ZNF783: variants seen among roughly 807,000 people sequenced by gnomAD.
ZNF783 encodes zinc finger protein 783.
ZNF783 carries 25 observed loss-of-function variants against 31.3 expected under a neutral mutation model. The observed-to-expected ratio is 0.80, with a 90% CI of 0.58 to 1.11. The LOEUF (loss-of-function observed/expected upper bound fraction) is 1.11, where lower values mean the gene tolerates loss of function less well. ZNF783 is among the 50% of genes most tolerant of loss of function. The pLI is 0.00. For synonymous variants in ZNF783, 369 were observed against 319.1 expected (o/e 1.16, Z -1.66); for missense variants, 797 against 760.0 (o/e 1.05, Z -0.57).
chr7:149,271,714 C>T (rs1797215203), intron 4 of ZNF783, among the ~76,000 whole-genome samples: 1 of 152,210 alleles, frequency 6.6e-6, no homozygotes, highest in Admixed American at 6.5e-5. Context: ...TGTGGCCTCT[C>T]ACTATAGATA....
In ZNF783 at chr7:149,266,670, G is replaced by C. The variant is rs767174413; in HGVS notation, c.360G>C (p.Leu120=). 1 of 1,614,144 alleles carries C rather than the reference G, an allele frequency of 6.2e-7. No individual in the cohort carries two copies. The highest frequency in any genetic ancestry group is 1.1e-5 in the South Asian group (1 of 91,078). The part of the protein sequence containing the change: ...QRRLENVENL[L]RNRNFWILRL... ...GGCTGGAGAATGTGGAGAACTTGCT[G>C]CGCAACAGGAACTTCTGGATCTTGC... is the stretch of plus-strand genomic sequence containing the variant. Residue 120 remains leucine (L), a synonymous_variant, in exon 2 of 6, where the codon CTG becomes CTC. Transcript: ENST00000434415.
chr7:149,280,557 G>GTGGTC (rs1372736194), intron 5 of ZNF783, among the ~76,000 whole-genome samples: 1 of 152,160 alleles, frequency 6.6e-6, no homozygotes, highest in Non-Finnish European at 1.5e-5. Flanking sequence ...TTTCCCCATC[G>GTGGTC]TGGTCTGGTC....
At chr7:149,263,267 T>TAC (rs1796981636) in intron 1 of ZNF783, among the ~76,000 whole-genome samples, 2 of 35,212 alleles carry the variant, frequency 5.7e-5, no homozygotes, top group Non-Finnish European at 1.3e-4. Context: ...TATATATACG[T>TAC]GTGTGTGTGT....
At chr7:149,266,281 A>G in intron 1 of ZNF783, 54 bp from the exon 2 acceptor site, 1 of 1,458,696 alleles carries the variant, frequency 6.9e-7, no homozygotes, top group Non-Finnish European at 9.0e-7. Flanking sequence ...TTTGAGGTGG[A>G]AGTTTTGATT....
chr7:149,262,279 C>G lies in ZNF783; in HGVS notation c.-55C>G. ...TTCCGCCGTCGCTGCCGCGCCGCCC[C>G]GGGCCCGACAGGCCGGGTCCAGGGA... On this transcript the variant is annotated 5_prime_UTR_variant, in exon 1 of 6. Transcript: ENST00000434415. 4 of 1,326,750 alleles carry G rather than the reference C, an allele frequency of 3.0e-6. No individual in the cohort carries two copies. The highest frequency in any genetic ancestry group is 3.5e-5 in the Admixed American group (1 of 28,478). The allele number at this position is 1,326,750 out of a possible 1,614,324, so 82.2% of individuals were successfully genotyped here.
At chr7:149,279,046 C>T (rs7788681) in intron 5 of ZNF783, among the ~76,000 whole-genome samples, 12,519 of 152,272 alleles carry the variant, frequency 0.082, 543 homozygotes, top group African/African-American at 0.11. Context: ...GGGCATTTAG[C>T]GGAACACTTG....
At chr7:149,264,307 C>T (rs1396944051) in intron 1 of ZNF783, among the ~76,000 whole-genome samples, 1 of 152,066 alleles carries the variant, frequency 6.6e-6, no homozygotes, top group Non-Finnish European at 1.5e-5. Context: ...CTCTAGGATG[C>T]GTTGTCTATG....
In ZNF783 at chr7:149,278,547, C is replaced by T. The variant is rs369972472; in HGVS notation, c.802+20C>T. ...AAGCAGGTGAGTGAGGACAGTGAGG[C>T]GGCAGGATGAACAGTGTCCCGAGGC... On this transcript the variant is annotated intron_variant, in intron 5 of 5. Coordinates refer to ENST00000434415, the MANE Select transcript of ZNF783 (RefSeq NM_001195220.2). The T allele has an allele frequency of 2.3e-5, 36 of 1,598,780 alleles. No individual in the cohort carries two copies. The highest frequency in any genetic ancestry group is 3.3e-5 in the Admixed American group (2 of 59,944).
intron 5 of ZNF783, among the ~76,000 whole-genome samples, chr7:149,280,214 G>T (rs1315408042): frequency 6.6e-6 from 1 of 152,098 alleles, no homozygotes. Flanking sequence ...CTTCCCAGTA[G>T]GGGTGGCCGG....
chr7:149,278,918 A>C (rs7806827), intron 5 of ZNF783, among the ~76,000 whole-genome samples: 12,507 of 152,178 alleles, frequency 0.082, 542 homozygotes, highest in African/African-American at 0.11. Context: ...GTTTCTCAGT[A>C]AACGCCCTCT....
chr7:149,264,643 G>A (rs1211279526), intron 1 of ZNF783, among the ~76,000 whole-genome samples: 4 of 152,190 alleles, frequency 2.6e-5, no homozygotes, highest in African/African-American at 9.7e-5. Context: ...GGGAGGCTGA[G>A]GCGGGCGGAT....
intron 4 of ZNF783, among the ~76,000 whole-genome samples, chr7:149,274,201 G>A (rs1260258399): frequency 2.6e-5 from 4 of 151,990 alleles, no homozygotes; most frequent in African/African-American, 9.7e-5. Context: ...GATAGTTCGA[G>A]GTCTTATATT....
At chr7:149,278,922 G>T (rs936862816) in intron 5 of ZNF783, among the ~76,000 whole-genome samples, 2 of 152,266 alleles carry the variant, frequency 1.3e-5, no homozygotes, top group Middle Eastern at 3.4e-3. Flanking sequence ...CTCAGTAAAC[G>T]CCCTCTTTCT....
chr7:149,262,533 C>G (rs1182647791), intron 1 of ZNF783, among the ~76,000 whole-genome samples, 176 bp downstream of exon 1: 2 of 152,228 alleles, frequency 1.3e-5, no homozygotes, highest in Non-Finnish European at 2.9e-5. Flanking sequence ...CCGGGCGGCC[C>G]AAATGCCAGG....
chr7:149,268,541 G>T (rs1341717438), intron 4 of ZNF783, among the ~76,000 whole-genome samples: 3 of 152,044 alleles, frequency 2.0e-5, no homozygotes, highest in African/African-American at 7.2e-5. Flanking sequence ...TTGTTACATG[G>T]GTATATTGTG....
chr7:149,263,830 T>A (rs1796999173), intron 1 of ZNF783, among the ~76,000 whole-genome samples: 1 of 152,222 alleles, frequency 6.6e-6, no homozygotes, highest in Non-Finnish European at 1.5e-5. Flanking sequence ...TATTAAAGTA[T>A]AACTTCCTCT....
rs1026574793 is a variant in ZNF783, at chr7:149,281,932, C to T, written c.1230C>T (p.Pro410=). 2.7e-5 allele frequency: 42 copies of T among 1,542,254 alleles called. No homozygotes were observed. The highest frequency in any genetic ancestry group is 3.4e-5 in the Non-Finnish European group (39 of 1,148,852). ...VVPGPVIRWL[P]EEPEGRRSVA... ...CCGGCCCTGTCATCCGCTGGCTCCC[C>T]GAGGAGCCTGAGGGTCGCCGCTCCG... The change falls in exon 6 of 6, where the codon CCC becomes CCT. Residue 410 remains proline, a synonymous_variant. Coordinates refer to ENST00000434415, the MANE Select transcript of ZNF783 (RefSeq NM_001195220.2).
intron 4 of ZNF783, among the ~76,000 whole-genome samples, chr7:149,268,103 C>T (rs142516928): frequency 6.6e-6 from 1 of 152,294 alleles, no homozygotes; most frequent in African/African-American, 2.4e-5. Flanking sequence ...TAGAATAGCA[C>T]AGCGAATCTC....
rs1191150831 is a variant in ZNF783, at chr7:149,282,291, C to T, written c.1589C>T (p.Ala530Val). 1.3e-6 allele frequency: 2 copies of T among 1,570,496 alleles called. No individual in the cohort carries two copies. The highest frequency in any genetic ancestry group is 1.3e-5 in the African/African-American group (1 of 74,256). ...QVGPHFPAAP[A>V]RHGSLPLPWP... ...GGCCCACACTTCCCTGCCGCCCCCG[C>T]CCGCCACGGGAGCCTGCCCCTGCCC... Residue 530 changes from alanine (A) to valine (V), a missense_variant, in exon 6 of 6, where the codon GCC becomes GTC. Coordinates refer to ENST00000434415, the MANE Select transcript of ZNF783 (RefSeq NM_001195220.2).
Sources: gnomAD v4.1 joint callset for allele counts (sites outside exome capture counted in the v4.1 genomes callset) on GRCh38, gnomAD v4.1.1 for gene constraint, MANE v1.5 for transcripts, NCBI Gene and HGNC (gene_info 2026-07-23, HGNC 2026-07-21) for gene names.